Variants in LDLRAD3 observed in about 807,000 individuals in gnomAD.
The protein encoded by LDLRAD3 is low-density lipoprotein receptor class A domain-containing protein 3.
Under a neutral mutation model 29.4 loss-of-function variants are expected in LDLRAD3, and 20 were observed. That is an observed-to-expected ratio of 0.68 (90% CI 0.48 to 0.99). The LOEUF (loss-of-function observed/expected upper bound fraction) is 0.99. Among genes scored for constraint, LDLRAD3 ranks in the 50% least tolerant of loss-of-function variants. The pLI, the probability that LDLRAD3 is intolerant of heterozygous loss-of-function variation, is 0.00. For synonymous variants in LDLRAD3, 157 were observed against 192.7 expected, an observed-to-expected ratio of 0.81 and a Z score of 1.53; for missense variants, 420 against 454.3, an observed-to-expected ratio of 0.92 and a Z score of 0.69.
chr11:36,123,312 G>T (rs1853787631), intron 4 of LDLRAD3, among the ~76,000 whole-genome samples: 1 of 152,226 alleles, frequency 6.6e-6, no homozygotes, highest in Non-Finnish European at 1.5e-5. Flanking sequence ...CACAAGAGTT[G>T]AACCCAGCCT....
chr11:35,957,232 T>C (rs926654943), intron 1 of LDLRAD3, among the ~76,000 whole-genome samples: 1 of 152,260 alleles, frequency 6.6e-6, no homozygotes, highest in Non-Finnish European at 1.5e-5. Context: ...TATAATTTCA[T>C]GTCCTGCTTT....
At chr11:35,989,250 TA>T (rs1283001822) in intron 1 of LDLRAD3, among the ~76,000 whole-genome samples, 4 of 152,216 alleles carry the variant, frequency 2.6e-5, no homozygotes, top group African/African-American at 9.6e-5. Context: ...TTTGTACCAT[TA>T]CCATGCTGTT....
At chr11:36,101,885 C>CTT (rs397848318) in intron 4 of LDLRAD3, 1,344 of 224,134 alleles carry the variant, frequency 6.0e-3, no homozygotes, top group South Asian at 0.011. Context: ...CCACTGTCAT[C>CTT]TTTTTTTTTT....
At chr11:36,119,455 T>A (rs979175739) in intron 4 of LDLRAD3, among the ~76,000 whole-genome samples, 1 of 152,178 alleles carries the variant, frequency 6.6e-6, no homozygotes, top group Non-Finnish European at 1.5e-5. Context: ...CAGCAGTGCA[T>A]GAAGGTTCTG....
At chr11:35,958,749 G>A (rs1023955672) in intron 1 of LDLRAD3, among the ~76,000 whole-genome samples, 3 of 152,120 alleles carry the variant, frequency 2.0e-5, no homozygotes, top group Non-Finnish European at 2.9e-5. Flanking sequence ...ATATTCAAGG[G>A]TTGGGGAAGA....
At chr11:36,192,944 C>T (rs1288834406) in intron 4 of LDLRAD3, among the ~76,000 whole-genome samples, 1 of 152,176 alleles carries the variant, frequency 6.6e-6, no homozygotes, top group East Asian at 1.9e-4. Flanking sequence ...CTGGGTGCAA[C>T]TCAGAGGAAG....
intron 4 of LDLRAD3, among the ~76,000 whole-genome samples, chr11:36,159,045 G>A (rs1854396183): frequency 6.6e-6 from 1 of 152,050 alleles, no homozygotes; most frequent in African/African-American, 2.4e-5. Context: ...TGTACGTGTT[G>A]GCTGCTTTCT....
chr11:36,219,895 G>A (rs1166899478), intron 4 of LDLRAD3, among the ~76,000 whole-genome samples: 1 of 152,152 alleles, frequency 6.6e-6, no homozygotes, highest in African/African-American at 2.4e-5. Context: ...ATAAGCCATA[G>A]ACTAGGAGAA....
At chr11:35,988,676 T>C (rs1205683434) in intron 1 of LDLRAD3, among the ~76,000 whole-genome samples, 2 of 152,016 alleles carry the variant, frequency 1.3e-5, no homozygotes, top group African/African-American at 4.8e-5. Context: ...CTCCACTTCC[T>C]GGGTTCAAGC....
At chr11:36,019,823 G>C (rs868036180) in intron 1 of LDLRAD3, among the ~76,000 whole-genome samples, 1 of 152,152 alleles carries the variant, frequency 6.6e-6, no homozygotes, top group Non-Finnish European at 1.5e-5. Flanking sequence ...CCTCTCTGTG[G>C]ATGGAGGACT....
intron 2 of LDLRAD3, among the ~76,000 whole-genome samples, chr11:36,078,256 T>C (rs1475152087): frequency 6.6e-6 from 1 of 152,198 alleles, no homozygotes; most frequent in African/African-American, 2.4e-5. Flanking sequence ...GGCTTGAAGA[T>C]TGGGCTTCAC....
At chr11:36,098,205 C>T in intron 3 of LDLRAD3, 122 bp from the exon 4 acceptor site, 1 of 1,196,390 alleles carries the variant, frequency 8.4e-7, no homozygotes. Context: ...TTTGAGTCTG[C>T]CAGCTTAGAA....
At chr11:35,955,162 T>C (rs1851186043) in intron 1 of LDLRAD3, among the ~76,000 whole-genome samples, 1 of 152,162 alleles carries the variant, frequency 6.6e-6, no homozygotes, top group African/African-American at 2.4e-5. Flanking sequence ...CGAGAATCGC[T>C]TGAACCTGGG....
chr11:36,198,939 C>T (rs1022103167), intron 4 of LDLRAD3, among the ~76,000 whole-genome samples: 2 of 151,824 alleles, frequency 1.3e-5, no homozygotes, highest in Admixed American at 6.6e-5. Context: ...CTCACTCTGT[C>T]GCCCAGGCTG....
chr11:36,136,726 A>T (rs946360817), intron 4 of LDLRAD3, among the ~76,000 whole-genome samples: 6 of 149,638 alleles, frequency 4.0e-5, no homozygotes, highest in African/African-American at 1.5e-4. Flanking sequence ...ACAGAGTCTT[A>T]GTCACCCAGG....
At chr11:36,157,591 G>A (rs1854372675) in intron 4 of LDLRAD3, among the ~76,000 whole-genome samples, 1 of 152,174 alleles carries the variant, frequency 6.6e-6, no homozygotes, top group African/African-American at 2.4e-5. Flanking sequence ...TCCACTCTGT[G>A]GATTGGGGGT....
chr11:36,092,520 C>T (rs1328369272), intron 3 of LDLRAD3, among the ~76,000 whole-genome samples: 1 of 152,118 alleles, frequency 6.6e-6, no homozygotes, highest in Non-Finnish European at 1.5e-5. Context: ...ATCTTCCTCC[C>T]TTCCCCCTGC....
intron 4 of LDLRAD3, among the ~76,000 whole-genome samples, chr11:36,168,654 G>GTCAC (rs1418874619): frequency 6.6e-6 from 1 of 152,110 alleles, no homozygotes; most frequent in Non-Finnish European, 1.5e-5. Flanking sequence ...AGCAGTAAAT[G>GTCAC]TCACTCATTT....
intron 4 of LDLRAD3, among the ~76,000 whole-genome samples, chr11:36,148,411 C>T (rs772811097): frequency 7.9e-5 from 12 of 152,094 alleles, no homozygotes; most frequent in Non-Finnish European, 1.3e-4. Context: ...AGGGGCATCT[C>T]GGTTCATTTG....
Sources: allele counts gnomAD v4.1 joint callset (sites outside exome capture counted in the v4.1 genomes callset), GRCh38; gene constraint gnomAD v4.1.1; transcripts MANE v1.5; gene names NCBI Gene and HGNC (gene_info 2026-07-23, HGNC 2026-07-21).